Variants in ZFYVE16 observed in about 807,000 individuals in gnomAD.
The protein encoded by ZFYVE16 is zinc finger FYVE domain-containing protein 16.
Under a neutral mutation model 138.1 loss-of-function variants are expected in ZFYVE16, and 89 were observed. The ratio of observed to expected loss-of-function variants is 0.64; its 90% CI spans 0.54 to 0.77. The LOEUF (loss-of-function observed/expected upper bound fraction) is 0.77, where lower values mean the gene tolerates loss of function less well. Among genes scored for constraint, ZFYVE16 ranks in the 30% least tolerant of loss-of-function variants. ZFYVE16 has a pLI of 0.00. For missense variants in ZFYVE16, 1,793 were observed against 1,786.7 expected, an observed-to-expected ratio of 1.00 and a Z score of -0.06; for synonymous variants, 596 against 618.3, an observed-to-expected ratio of 0.96 and a Z score of 0.53.
At chr5:80,440,895 A>G (rs1750637631) in intron 5 of ZFYVE16, 1 of 985,200 alleles carries the variant, frequency 1.0e-6, no homozygotes, top group Non-Finnish European at 1.2e-6. Flanking sequence ...TCTCTTTTGA[A>G]TGAAGATAAC....
At chr5:80,465,412 T>TTTTTTG (rs1561325491) in intron 15 of ZFYVE16, among the ~76,000 whole-genome samples, 2 of 119,694 alleles carry the variant, frequency 1.7e-5, no homozygotes, top group African/African-American at 5.7e-5. Context: ...TTTTTTTTTT[T>TTTTTTG]TTTTTTTTTT....
intron 5 of ZFYVE16, among the ~76,000 whole-genome samples, chr5:80,442,355 G>A (rs1474661409): frequency 1.3e-5 from 2 of 152,170 alleles, no homozygotes; most frequent in African/African-American, 2.4e-5. Flanking sequence ...CGATCTGCCT[G>A]CTTTGGCCTC....
Position 80,417,967 on chromosome 5 carries a change from T to A in ZFYVE16, c.-93-9525T>A, listed in dbSNP as rs186852710. Reference sequence around the variant, plus strand: ...AATAAGATTTTCTCTTGTTTGGCATTGTCACAGTGACATTCTAGTAGATGT... The same window carrying A: ...AATAAGATTTTCTCTTGTTTGGCATAGTCACAGTGACATTCTAGTAGATGT... On this transcript the variant is annotated intron_variant, in intron 1 of 18. Coordinates refer to ENST00000505560, the MANE Select transcript of ZFYVE16 (RefSeq NM_001284236.3). Among the ~76,000 whole-genome samples the A allele has an allele frequency of 3.0e-3, 454 of 152,332 alleles. 2 individuals carry two copies. Among genetic ancestry groups the A allele is most frequent in the Non-Finnish European group, 5.2e-3 (354 of 68,032 alleles).
At chr5:80,443,996 T>A (rs1751016407) in intron 6 of ZFYVE16, 1 of 334,910 alleles carries the variant, frequency 3.0e-6, no homozygotes, top group South Asian at 2.5e-5. Flanking sequence ...TAATATTTTT[T>A]AAATCTATTT....
chr5:80,426,293 T>TAAATAAATAA (rs1554039391), intron 1 of ZFYVE16, among the ~76,000 whole-genome samples: 138 of 88,714 alleles, frequency 1.6e-3, no homozygotes, highest in African/African-American at 4.2e-3. Flanking sequence ...TATATATATA[T>TAAATAAATAA]AATTAAATTT....
Position 80,481,768 on chromosome 5 carries a change from C to T in ZFYVE16, c.*4391C>T, listed in dbSNP as rs1459841659. Among the ~76,000 whole-genome samples, 1 of 152,172 alleles carries T rather than the reference C, an allele frequency of 6.6e-6. No individual in the cohort carries two copies. The highest frequency in any genetic ancestry group is 1.9e-4 in the East Asian group (1 of 5,200). Reference sequence around the variant, plus strand: ...GGAAAAGACAATGAACAAGAGCCAACTCTAAGGTTACCCAAATGTCAGAAT... The same window carrying T: ...GGAAAAGACAATGAACAAGAGCCAATTCTAAGGTTACCCAAATGTCAGAAT... On this transcript the variant is annotated 3_prime_UTR_variant, in exon 19 of 19. Transcript: ENST00000505560.
At chr5:80,411,328 T>C (rs967486993) in intron 1 of ZFYVE16, among the ~76,000 whole-genome samples, 2 of 152,084 alleles carry the variant, frequency 1.3e-5, no homozygotes, top group Non-Finnish European at 2.9e-5. Context: ...AGACATATCA[T>C]GTAGCTCTGA....
At chr5:80,432,931 G>A (rs1431334500) in intron 2 of ZFYVE16, among the ~76,000 whole-genome samples, 1 of 152,152 alleles carries the variant, frequency 6.6e-6, no homozygotes, top group African/African-American at 2.4e-5. Context: ...TCCTTAAAAA[G>A]TCAGGAAACA....
intron 2 of ZFYVE16, among the ~76,000 whole-genome samples, chr5:80,433,231 T>C (rs1444150361): frequency 6.6e-6 from 1 of 152,138 alleles, no homozygotes; most frequent in Non-Finnish European, 1.5e-5. Flanking sequence ...ATGTGGCACA[T>C]ATACACCATG....
intron 1 of ZFYVE16, among the ~76,000 whole-genome samples, chr5:80,421,801 C>A (rs1747233054): frequency 6.6e-6 from 1 of 152,082 alleles, no homozygotes; most frequent in Non-Finnish European, 1.5e-5. Context: ...TCCATATGAA[C>A]TTTAAAGTAG....
At chr5:80,445,489 T>C in intron 7 of ZFYVE16, 84 bp downstream of exon 7, 1 of 1,264,296 alleles carries the variant, frequency 7.9e-7, no homozygotes, top group Non-Finnish European at 1.1e-6. Context: ...AGAGTGCTTT[T>C]TTTTTTTTTT....
At chr5:80,462,841 G>T (rs1214383455) in intron 15 of ZFYVE16, among the ~76,000 whole-genome samples, 1 of 152,216 alleles carries the variant, frequency 6.6e-6, no homozygotes, top group Non-Finnish European at 1.5e-5. Context: ...TGGCCAAACT[G>T]AAGGGGCTAC....
Position 80,456,574 on chromosome 5 carries a change from A to G in ZFYVE16, c.3795+9A>G. 6.3e-7 allele frequency: 1 copy of G among 1,592,806 alleles called. No homozygotes were observed. Among genetic ancestry groups the G allele is most frequent in the South Asian group, 1.1e-5 (1 of 89,872 alleles). ...GGAAAAAGTACAGTGATGTAAGTAT[A>G]ATTGTTTTATTCAAATGACAATTAT... On this transcript the variant is annotated intron_variant, in intron 13 of 18. Coordinates refer to ENST00000505560, the MANE Select transcript of ZFYVE16 (RefSeq NM_001284236.3).
At chr5:80,434,318 T>G in intron 3 of ZFYVE16, 101 bp downstream of exon 3, 1 of 1,206,162 alleles carries the variant, frequency 8.3e-7, no homozygotes, top group Non-Finnish European at 1.2e-6. Context: ...TCTTTCAATT[T>G]TGGTCACGTT....
chr5:80,449,613 A>G lies in ZFYVE16; in HGVS notation c.3126A>G (p.Pro1042=), dbSNP rs1751768932. 1 of 1,609,662 alleles carries G rather than the reference A, an allele frequency of 6.2e-7. No individual in the cohort carries two copies. The highest frequency in any genetic ancestry group is 1.3e-5 in the African/African-American group (1 of 74,672). The change falls in exon 9 of 19, where the codon CCA becomes CCG. Residue 1042 remains proline (P), a synonymous_variant. Coordinates refer to ENST00000505560, the MANE Select transcript of ZFYVE16 (RefSeq NM_001284236.3). ...KGSVPVVEEH[P]SHEQIILLLE... ...TAGTGCCTGTAGTAGAAGAACATCC[A>G]TCTCATGAGCAGATCATTTTGCTTC...
intron 1 of ZFYVE16, among the ~76,000 whole-genome samples, chr5:80,426,262 GTGTGTGTGT>G (rs1561245996): frequency 2.3e-3 from 134 of 57,146 alleles, no homozygotes; most frequent in African/African-American, 5.5e-3. Context: ...GTGTGTGTGT[GTGTGTGTGT>G]GTATATATAT....
In ZFYVE16 at chr5:80,412,459, TACTG is replaced by T. The variant is rs1226970393; in HGVS notation, c.-94+4308_-94+4311del. Among the ~76,000 whole-genome samples the T allele has an allele frequency of 4.6e-5, 7 of 152,322 alleles. No homozygotes were observed. The East Asian group carries it at 1.3e-3, about 29-fold the overall frequency. On this transcript the variant is annotated intron_variant, in intron 1 of 18. Transcript: ENST00000505560. ...GTAGATTATTGGCACAAAAAGTACA[TACTG>T]ATTGATTGAAATGGGAAATATACAC...
intron 1 of ZFYVE16, among the ~76,000 whole-genome samples, chr5:80,418,080 ATCT>A (rs1462304561): frequency 6.6e-6 from 1 of 152,138 alleles, no homozygotes; most frequent in African/African-American, 2.4e-5. Context: ...CCATCCTTAT[ATCT>A]TCTTTGGTAA....
rs749180203 is a variant in ZFYVE16, at chr5:80,426,270, GTGTATA to G, written c.-93-1220_-93-1215del. 4.4e-3 allele frequency among the ~76,000 whole-genome samples: 416 copies of G among 94,984 alleles called. 2 individuals are homozygous for G. The highest frequency in any genetic ancestry group is 0.011 in the East Asian group (21 of 1,904). 62.3% of individuals were successfully genotyped at this position (94,984 alleles called of 152,430 possible). Reference sequence around the variant, plus strand: ...TGTGTGTGTGTGTGTGTGTGTGTGTGTGTATATATATATATATATATATAATTAAAT... The same window carrying G: ...TGTGTGTGTGTGTGTGTGTGTGTGTGTATATATATATATATATAATTAAAT... On this transcript the variant is annotated intron_variant, in intron 1 of 18. Coordinates refer to ENST00000505560, the MANE Select transcript of ZFYVE16 (RefSeq NM_001284236.3).
Sources: allele counts gnomAD v4.1 joint callset (sites outside exome capture counted in the v4.1 genomes callset), GRCh38; gene constraint gnomAD v4.1.1; transcripts MANE v1.5; gene names NCBI Gene and HGNC (gene_info 2026-07-23, HGNC 2026-07-21).